The following POLR1A variants were observed in gnomAD, a reference collection of about 807,000 sequenced individuals.
POLR1A encodes the protein RNA polymerase I subunit A, also known as DNA-directed RNA polymerase I subunit RPA1.
A neutral mutation model predicts 205.3 loss-of-function variants in POLR1A; 84 were observed. The ratio of observed to expected loss-of-function variants is 0.41; its 90% CI spans 0.34 to 0.49. The LOEUF (loss-of-function observed/expected upper bound fraction) is 0.49, where lower values mean the gene tolerates loss of function less well. POLR1A is among the 20% of genes least tolerant of loss of function. POLR1A has a pLI of 0.22. For synonymous variants in POLR1A, 799 were observed against 863.7 expected, an observed-to-expected ratio of 0.93 and a Z score of 1.31; for missense variants, 1,645 against 2,204.5, an observed-to-expected ratio of 0.75 and a Z score of 5.08.
In POLR1A at chr2:86,027,282, C is replaced by T; in HGVS notation, c.*141G>A. 2.8e-6 allele frequency: 2 copies of T among 702,478 alleles called. No homozygotes were observed. Among genetic ancestry groups the T allele is most frequent in the South Asian group, 1.6e-5 (1 of 61,714 alleles). 43.5% of individuals were successfully genotyped at this position (702,478 alleles called of 1,614,324 possible). A position where few individuals can be genotyped will look rare whatever the true frequency, so the allele number is the denominator to read the frequency against. On this transcript the variant is annotated 3_prime_UTR_variant, in exon 34 of 34. Transcript: ENST00000263857. ...AGCTCAGAGGCCCACTGCTTTCAGG[C>T]CCAAGGTCGCTGCTGTGCTCTGTAC...
chr2:86,074,750 A>C (rs1673248033), intron 12 of POLR1A, among the ~76,000 whole-genome samples: 1 of 152,214 alleles, frequency 6.6e-6, no homozygotes. Flanking sequence ...TCAGAGATTC[A>C]AATTCAGTAG....
At chr2:86,086,008 C>T (rs1378192321) in intron 6 of POLR1A, among the ~76,000 whole-genome samples, 2 of 152,064 alleles carry the variant, frequency 1.3e-5, no homozygotes, top group Admixed American at 6.6e-5. Flanking sequence ...AAGCTGACAG[C>T]GCTCCTTGTG....
intron 14 of POLR1A, among the ~76,000 whole-genome samples, chr2:86,056,992 T>G (rs934505391): frequency 6.6e-6 from 1 of 152,262 alleles, no homozygotes; most frequent in Non-Finnish European, 1.5e-5. Context: ...ATAAAGGAGT[T>G]ATTTTGACTT....
Position 86,024,590 on chromosome 2 carries a change from A to T in POLR1A, c.*2833T>A, listed in dbSNP as rs1397615026. ...AGTGTTTCTGGTGAGAACCCAAAAA[A>T]GAGACACTAAAAAAAATTAACTGGC... On this transcript the variant is annotated 3_prime_UTR_variant, in exon 34 of 34. Coordinates refer to ENST00000263857, the MANE Select transcript of POLR1A (RefSeq NM_015425.6). The T allele has an allele frequency of 6.6e-6, 1 of 152,242 alleles. No individual in the cohort carries two copies. Among genetic ancestry groups the T allele is most frequent in the Non-Finnish European group, 1.5e-5 (1 of 68,064 alleles). 9.4% of individuals were successfully genotyped at this position (152,242 alleles called of 1,614,324 possible).
At chr2:86,089,499 G>C (rs1673563559) in intron 4 of POLR1A, among the ~76,000 whole-genome samples, 1 of 152,248 alleles carries the variant, frequency 6.6e-6, no homozygotes, top group Non-Finnish European at 1.5e-5. Flanking sequence ...GGAGAATAAG[G>C]TAGCAGTGGG....
At chr2:86,038,579 G>T in intron 27 of POLR1A, 121 bp downstream of exon 27, 1 of 917,132 alleles carries the variant, frequency 1.1e-6, no homozygotes, top group Non-Finnish European at 1.7e-6. Context: ...CACTTCCCTT[G>T]AAGGGCTCAT....
chr2:86,028,824 G>A lies in POLR1A; in HGVS notation c.4780-113C>T. 1.4e-6 allele frequency: 1 copy of A among 740,716 alleles called. No homozygotes were observed. Among genetic ancestry groups the A allele is most frequent in the Non-Finnish European group, 2.3e-6 (1 of 426,018 alleles). 45.9% of individuals were successfully genotyped at this position (740,716 alleles called of 1,614,324 possible). ...TCCTTGTGTCTGGCAGCTCGGTACA[G>A]CTGATGACAAAGTGGTCAAGAGGTG... is the stretch of plus-strand genomic sequence containing the variant. On this transcript the variant is annotated intron_variant, in intron 31 of 33. Transcript: ENST00000263857. This position sits in a 1 kb window ranked among gnomAD's most constrained non-coding sequence, Gnocchi z 4.5.
chr2:86,060,226 C>T (rs541810788), intron 14 of POLR1A, among the ~76,000 whole-genome samples: 3 of 152,266 alleles, frequency 2.0e-5, no homozygotes, highest in African/African-American at 7.2e-5. Flanking sequence ...TACGTTGATT[C>T]TCCCTAAAGT....
chr2:86,098,217 T>C (rs1398449564), intron 3 of POLR1A, among the ~76,000 whole-genome samples: 1 of 152,190 alleles, frequency 6.6e-6, no homozygotes. Flanking sequence ...AGAAATCCTA[T>C]AAGACAACTG....
intron 14 of POLR1A, 23 bp from the exon 15 acceptor site, chr2:86,054,312 C>G: frequency 6.2e-7 from 1 of 1,610,120 alleles, no homozygotes; most frequent in Non-Finnish European, 8.5e-7. Flanking sequence ...AGAGGACAAA[C>G]TGATGGCAAA....
chr2:86,099,409 A>C (rs1324904557), intron 2 of POLR1A, among the ~76,000 whole-genome samples: 1 of 152,014 alleles, frequency 6.6e-6, no homozygotes, highest in Non-Finnish European at 1.5e-5. Context: ...GACAAAAATC[A>C]TGTCCATGTA....
chr2:86,021,143 A>G lies in POLR1A; in HGVS notation c.*6280T>C, dbSNP rs750159745. On this transcript the variant is annotated 3_prime_UTR_variant, in exon 34 of 34. Transcript: ENST00000263857. ...CAAGAATCATGGGTTGGGGAAGGCA[A>G]GTGTTTACTGTGGTCCAGCTGAGGA... The G allele has an allele frequency of 2.0e-5, 3 of 152,210 alleles. No homozygotes were observed. The highest frequency in any genetic ancestry group is 2.9e-5 in the Non-Finnish European group (2 of 68,046). The allele number at this position is 152,210 out of a possible 1,614,324, so 9.4% of individuals were successfully genotyped here.
At chr2:86,034,318 C>G (rs1041208349) in intron 27 of POLR1A, among the ~76,000 whole-genome samples, 6 of 152,172 alleles carry the variant, frequency 3.9e-5, no homozygotes, top group Non-Finnish European at 8.8e-5. Flanking sequence ...TGGTGTTGCT[C>G]TGGCCAGAGA....
chr2:86,039,799 T>C (rs1672565717), intron 25 of POLR1A, among the ~76,000 whole-genome samples: 2 of 152,174 alleles, frequency 1.3e-5, no homozygotes, highest in Non-Finnish European at 2.9e-5. Context: ...CCCACAGTGC[T>C]CCTGCTGAGC....
chr2:86,051,202 T>C (rs1056748638), intron 16 of POLR1A, among the ~76,000 whole-genome samples: 1 of 152,148 alleles, frequency 6.6e-6, no homozygotes, highest in African/African-American at 2.4e-5. Context: ...ATTTGGACAT[T>C]TGGTGGGTGG....
chr2:86,095,555 G>A lies in POLR1A; in HGVS notation c.432+3056C>T, dbSNP rs1417367583. Among the ~76,000 whole-genome samples the A allele has an allele frequency of 2.6e-5, 4 of 152,080 alleles. No homozygotes were observed. In the East Asian group the frequency reaches 7.7e-4, roughly 29 times the overall value. The stretch of plus-strand genomic sequence containing the variant: ...AAATAAGGTATTTTTAATAGCACCA[G>A]AAATTCTAATGTAAATATTAACTAT... On this transcript the variant is annotated intron_variant, in intron 3 of 33. Coordinates refer to ENST00000263857, the MANE Select transcript of POLR1A (RefSeq NM_015425.6).
At chr2:86,068,402 G>GGGGGGGGGGGGGT (rs1319707259) in intron 13 of POLR1A, among the ~76,000 whole-genome samples, 1 of 99,256 alleles carries the variant, frequency 1.0e-5, no homozygotes, top group Non-Finnish European at 2.1e-5. Context: ...GGGGGGGCGG[G>GGGGGGGGGGGGGT]TGTCGTCCAA....
Position 86,031,513 on chromosome 2 carries a change from C to T in POLR1A, c.4395G>A (p.Glu1465=). The part of the protein sequence containing the change: ...GARKTQEQDE[E]VGLGTEEDPS... ...GGTCCTCCTCAGTGCCTAAGCCCAC[C>T]TCTTCATCTTGCTCTTGGGTCTTTC... The change falls in exon 30 of 34, where the codon GAG becomes GAA. Residue 1465 remains glutamate, a synonymous_variant. Coordinates refer to ENST00000263857, the MANE Select transcript of POLR1A (RefSeq NM_015425.6). 1 of 1,614,230 alleles carries T rather than the reference C, an allele frequency of 6.2e-7. No homozygotes were observed. The highest frequency in any genetic ancestry group is 1.1e-5 in the South Asian group (1 of 91,086).
intron 11 of POLR1A, among the ~76,000 whole-genome samples, chr2:86,075,539 G>A (rs1573824779): frequency 6.6e-6 from 1 of 152,108 alleles, no homozygotes; most frequent in South Asian, 2.1e-4. Context: ...ATGGAGTTTC[G>A]CTCTTGTTGC....
Sources: allele counts gnomAD v4.1 joint callset (sites outside exome capture counted in the v4.1 genomes callset), GRCh38; gene constraint gnomAD v4.1.1; non-coding constraint Gnocchi (gnomAD v3.1); transcripts MANE v1.5; gene names NCBI Gene and HGNC (gene_info 2026-07-23, HGNC 2026-07-21).